PDZRN4: variants seen among roughly 807,000 people sequenced by gnomAD.
PDZRN4 encodes PDZ domain containing ring finger 4, also known as PDZ domain-containing RING finger protein 4.
Under a neutral mutation model 99.0 loss-of-function variants are expected in PDZRN4, and 70 were observed. That is an observed-to-expected ratio of 0.71 (90% CI 0.58 to 0.86). The LOEUF is 0.86. Among genes scored for constraint, PDZRN4 ranks in the 40% least tolerant of loss-of-function variants. The pLI is 0.00. For missense variants in PDZRN4, 1,474 were observed against 1,331.2 expected (o/e 1.11, Z -1.67); for synonymous variants, 551 against 501.6 (o/e 1.10, Z -1.32).
intron 3 of PDZRN4, among the ~76,000 whole-genome samples, chr12:41,198,500 T>C (rs755749821): frequency 7.9e-5 from 12 of 151,408 alleles, no homozygotes; most frequent in Non-Finnish European, 1.8e-4. Context: ...TTAAAATCTT[T>C]TTATTCTATT....
At chr12:41,296,972 A>G in intron 3 of PDZRN4, among the ~76,000 whole-genome samples, 1 of 152,154 alleles carries the variant, frequency 6.6e-6, no homozygotes, top group East Asian at 1.9e-4. Context: ...AACAAAAACA[A>G]AAACAAAATC....
chr12:41,302,179 C>T (rs1951540880), intron 3 of PDZRN4, among the ~76,000 whole-genome samples: 1 of 152,024 alleles, frequency 6.6e-6, no homozygotes, highest in Non-Finnish European at 1.5e-5. Flanking sequence ...TACATACATA[C>T]AGAACTACTC....
intron 3 of PDZRN4, among the ~76,000 whole-genome samples, chr12:41,404,639 C>T (rs550368570): frequency 2.4e-3 from 362 of 151,476 alleles, no homozygotes; most frequent in Non-Finnish European, 3.8e-3. Context: ...TCATTCTTCA[C>T]AGAACTGGAA....
chr12:41,242,286 A>G (rs2120785505), intron 3 of PDZRN4, among the ~76,000 whole-genome samples: 1 of 152,326 alleles, frequency 6.6e-6, no homozygotes, highest in East Asian at 1.9e-4. Flanking sequence ...AAAACAGTTG[A>G]TTGATATGCT....
At chr12:41,420,470 C>T (rs998114070) in intron 3 of PDZRN4, among the ~76,000 whole-genome samples, 1 of 152,050 alleles carries the variant, frequency 6.6e-6, no homozygotes, top group African/African-American at 2.4e-5. Flanking sequence ...ATTATTTGTC[C>T]CATTCCTCAT....
chr12:41,188,380 G>A lies in PDZRN4; in HGVS notation c.-76G>A. The A allele has an allele frequency of 4.4e-6, 6 of 1,349,182 alleles. No individual in the cohort carries two copies. In the South Asian group the frequency reaches 6.0e-5, roughly 14 times the overall value. The allele number at this position is 1,349,182 out of a possible 1,614,324, so 83.6% of individuals were successfully genotyped here. Reference sequence around the variant, plus strand: ...GCCGCCGCGAGACGGCTGCCCCGGGGGTGGCCCGGGGAAGGCAGGGGGGCT... The same window carrying A: ...GCCGCCGCGAGACGGCTGCCCCGGGAGTGGCCCGGGGAAGGCAGGGGGGCT... On this transcript the variant is annotated 5_prime_UTR_variant, in exon 1 of 10. Coordinates refer to ENST00000402685, the MANE Select transcript of PDZRN4 (RefSeq NM_001164595.2).
At chr12:41,549,289 A>G (rs2120790513) in intron 5 of PDZRN4, among the ~76,000 whole-genome samples, 1 of 152,332 alleles carries the variant, frequency 6.6e-6, no homozygotes, top group Middle Eastern at 3.4e-3. Context: ...TTGTTTCTTC[A>G]GAAGTCAGAG....
In PDZRN4 at chr12:41,219,278, G is replaced by C. The variant is rs181336149; in HGVS notation, c.843+25090G>C. Reference sequence around the variant, plus strand: ...AGAAGACTGAGAAAGTTCACAGGGAGCATGATCTCTGACCTGAATTTTGAT... The same window carrying C: ...AGAAGACTGAGAAAGTTCACAGGGACCATGATCTCTGACCTGAATTTTGAT... On this transcript the variant is annotated intron_variant, in intron 3 of 9. Transcript: ENST00000402685. Among the ~76,000 whole-genome samples the C allele has an allele frequency of 5.3e-3, 808 of 152,148 alleles. 1 individual carries two copies. Among genetic ancestry groups the C allele is most frequent in the Non-Finnish European group, 8.7e-3 (593 of 67,990 alleles).
chr12:41,476,888 A>G (rs538531439), intron 3 of PDZRN4, among the ~76,000 whole-genome samples: 68 of 152,340 alleles, frequency 4.5e-4, no homozygotes, highest in African/African-American at 1.5e-3. Flanking sequence ...CAAGACATTT[A>G]TCAGTCAAGC....
Position 41,188,706 on chromosome 12 carries a change from G to A in PDZRN4, c.251G>A (p.Arg84His). 1.9e-6 allele frequency: 3 copies of A among 1,556,066 alleles called. No individual in the cohort carries two copies. The highest frequency in any genetic ancestry group is 2.6e-6 in the Non-Finnish European group (3 of 1,161,498). ...IQKLRVQCDYRARGCGHSVRL... is the reference protein window; with the variant it reads ...IQKLRVQCDYHARGCGHSVRL... ...AAGCTGCGAGTCCAGTGCGACTACC[G>A]CGCCCGCGGCTGCGGCCACTCGGTC... is the stretch of plus-strand genomic sequence containing the variant. Residue 84 changes from arginine to histidine, a missense_variant, in exon 1 of 10, where the codon CGC becomes CAC. Arg to His is a conservative substitution (Grantham distance 29). Coordinates refer to ENST00000402685, the MANE Select transcript of PDZRN4 (RefSeq NM_001164595.2).
chr12:41,493,815 C>T lies in PDZRN4; in HGVS notation c.844-12641C>T, dbSNP rs547088112. 2.6e-5 allele frequency among the ~76,000 whole-genome samples: 4 copies of T among 151,402 alleles called. No individual in the cohort carries two copies. The South Asian group carries it at 8.3e-4, about 32-fold the overall frequency. On this transcript the variant is annotated intron_variant, in intron 3 of 9. Coordinates refer to ENST00000402685, the MANE Select transcript of PDZRN4 (RefSeq NM_001164595.2). ...TTGTAAGGCAGCAACAGCTTTACCT[C>T]AAAGGTGGCCTAGGCTGGAAAATTG...
rs774520858 is a variant in PDZRN4, at chr12:41,573,026, G to A, written c.2247G>A (p.Pro749=). Residue 749 remains proline, a synonymous_variant, in exon 10 of 10, where the codon CCG becomes CCA. Transcript: ENST00000402685. ...YNTAESCRST[P]LTVDRSPDSS... is the part of the protein sequence containing the mutation. ...CAGCTGAGAGCTGCAGAAGTACTCC[G>A]CTCACTGTAGACCGTTCCCCTGACA... 35 of 1,613,944 alleles carry A rather than the reference G, an allele frequency of 2.2e-5. No individual in the cohort carries two copies. The highest frequency in any genetic ancestry group is 8.3e-5 in the Admixed American group (5 of 59,996).
At chr12:41,349,823 A>T (rs370028901) in intron 3 of PDZRN4, among the ~76,000 whole-genome samples, 2 of 151,942 alleles carry the variant, frequency 1.3e-5, no homozygotes, top group African/African-American at 4.8e-5. Context: ...CAATAACAAA[A>T]ATGCAGTGGT....
In PDZRN4 at chr12:41,317,048, GTATATATATATA is replaced by G. The variant is rs33919115; in HGVS notation, c.843+122875_843+122886del. On this transcript the variant is annotated intron_variant, in intron 3 of 9. Coordinates refer to ENST00000402685, the MANE Select transcript of PDZRN4 (RefSeq NM_001164595.2). ...TCCAGAGAATCATAACTTACATAAA[GTATATATATATA>G]TATATATATATATAGTATATTTGTA... Among the ~76,000 whole-genome samples, 50 of 69,582 alleles carry G rather than the reference GTATATATATATA, an allele frequency of 7.2e-4. 10 individuals carry two copies. Among genetic ancestry groups the G allele is most frequent in the Non-Finnish European group, 3.1e-4 (9 of 28,586 alleles). 45.6% of individuals were successfully genotyped at this position (69,582 alleles called of 152,430 possible).
intron 3 of PDZRN4, among the ~76,000 whole-genome samples, chr12:41,271,389 C>T (rs1170517779): frequency 6.6e-6 from 1 of 152,086 alleles, no homozygotes; most frequent in East Asian, 1.9e-4. Flanking sequence ...CATTTTTAAG[C>T]ATCTATAGCA....
intron 3 of PDZRN4, among the ~76,000 whole-genome samples, chr12:41,299,576 G>A (rs895833772): frequency 3.9e-5 from 6 of 151,960 alleles, no homozygotes; most frequent in Admixed American, 3.9e-4. Flanking sequence ...ACTGTTCAGA[G>A]ACAAAATTGC....
chr12:41,257,273 T>C (rs1951209895), intron 3 of PDZRN4, among the ~76,000 whole-genome samples: 1 of 152,216 alleles, frequency 6.6e-6, no homozygotes, highest in African/African-American at 2.4e-5. Flanking sequence ...CAGGTGATGG[T>C]CCTCTTCCAG....
chr12:41,399,168 T>C (rs1374949018), intron 3 of PDZRN4, among the ~76,000 whole-genome samples: 1 of 152,122 alleles, frequency 6.6e-6, no homozygotes, highest in Non-Finnish European at 1.5e-5. Context: ...TTAAAATTCA[T>C]TAATTATTTT....
chr12:41,283,246 T>C (rs182392845), intron 3 of PDZRN4, among the ~76,000 whole-genome samples: 1 of 152,070 alleles, frequency 6.6e-6, no homozygotes, highest in South Asian at 2.1e-4. Flanking sequence ...TCTGTGCAAA[T>C]AAACTAGAAA....
Sources: gnomAD v4.1 joint callset for allele counts (sites outside exome capture counted in the v4.1 genomes callset) on GRCh38, gnomAD v4.1.1 for gene constraint, MANE v1.5 for transcripts, NCBI Gene and HGNC (gene_info 2026-07-23, HGNC 2026-07-21) for gene names.